The following NXN variants were observed in gnomAD, a reference collection of about 807,000 sequenced individuals.
NXN encodes the protein nucleoredoxin 1.
In NXN, 16 loss-of-function variants were observed where a neutral mutation model predicts 48.6. The observed-to-expected ratio is 0.33, with a 90% CI of 0.22 to 0.50. The LOEUF (loss-of-function observed/expected upper bound fraction) is 0.50, where lower values mean the gene tolerates loss of function less well. Among genes scored for constraint, NXN ranks in the 20% least tolerant of loss-of-function variants. NXN has a pLI of 0.98. For synonymous variants in NXN, 281 were observed against 269.6 expected (o/e 1.04, Z -0.41); for missense variants, 492 against 605.5 (o/e 0.81, Z 1.97).
intron 1 of NXN, among the ~76,000 whole-genome samples, chr17:895,656 CAAA>C (rs71145789): frequency 2.1e-5 from 3 of 144,320 alleles, no homozygotes; most frequent in African/African-American, 7.7e-5. Context: ...ACTTAAAATA[CAAA>C]AAAAAAAAAT....
intron 5 of NXN, among the ~76,000 whole-genome samples, chr17:811,969 C>A (rs538902171): frequency 7.0e-6 from 1 of 142,822 alleles, no homozygotes; most frequent in African/African-American, 2.7e-5. Context: ...GCTCTGTCGC[C>A]CAGGCTGGAG....
At chr17:813,052 T>C (rs1018087082) in intron 5 of NXN, among the ~76,000 whole-genome samples, 4 of 152,220 alleles carry the variant, frequency 2.6e-5, no homozygotes, top group East Asian at 1.9e-4. Context: ...AGCGTGTGTG[T>C]GCGTGTGTTC....
chr17:854,062 T>TC (rs960168462), intron 1 of NXN, among the ~76,000 whole-genome samples: 4 of 151,894 alleles, frequency 2.6e-5, no homozygotes, highest in South Asian at 2.1e-4. Context: ...ATCATGTGTG[T>TC]CCCCCCACTG....
At chr17:833,264 G>A (rs1271614710) in intron 1 of NXN, among the ~76,000 whole-genome samples, 2 of 152,126 alleles carry the variant, frequency 1.3e-5, no homozygotes, top group African/African-American at 4.8e-5. Flanking sequence ...TCATTAGGGA[G>A]CTGCATCTGT....
At chr17:931,108 C>A (rs73277453) in intron 1 of NXN, among the ~76,000 whole-genome samples, 8 of 151,860 alleles carry the variant, frequency 5.3e-5, no homozygotes, top group Non-Finnish European at 7.4e-5. Context: ...GATCTCTAGC[C>A]TAGCAGAAAA....
intron 1 of NXN, among the ~76,000 whole-genome samples, chr17:969,384 G>A (rs539647593): frequency 6.6e-6 from 1 of 152,240 alleles, no homozygotes; most frequent in South Asian, 2.1e-4. Context: ...TATATTCTTC[G>A]TCTACTATGG....
At chr17:884,856 G>A (rs1567848126) in intron 1 of NXN, among the ~76,000 whole-genome samples, 2 of 152,216 alleles carry the variant, frequency 1.3e-5, no homozygotes. Context: ...GAACAGTTTT[G>A]AAACATCTGT....
chr17:966,525 T>G (rs1391979387), intron 1 of NXN, among the ~76,000 whole-genome samples: 4 of 152,166 alleles, frequency 2.6e-5, no homozygotes, highest in Admixed American at 6.5e-5. Context: ...TTTTGTATTT[T>G]TAGTAGAGAC....
At position 956,028 on chromosome 17, in the gene NXN, G is replaced by A. The variant is rs2069165651; in HGVS notation, c.360+23291C>T. Among the ~76,000 whole-genome samples, 1 of 151,540 alleles carries A rather than the reference G, an allele frequency of 6.6e-6. No individual in the cohort carries two copies. The highest frequency in any genetic ancestry group is 2.4e-5 in the African/African-American group (1 of 40,946). On this transcript the variant is annotated intron_variant, in intron 1 of 7. Coordinates refer to ENST00000336868, the MANE Select transcript of NXN (RefSeq NM_022463.5). This position sits in a 1 kb window ranked among gnomAD's most constrained non-coding sequence, Gnocchi z 4.1. ...CTCAGTTTCCCTGCCTGTCAAAGAA[G>A]ACTGTGGCCACATAATCCCCCTGTC...
chr17:931,493 A>C (rs1370707110), intron 1 of NXN, among the ~76,000 whole-genome samples: 1 of 151,574 alleles, frequency 6.6e-6, no homozygotes, highest in African/African-American at 2.4e-5. Flanking sequence ...TAATAAGCCT[A>C]TGTATACTAC....
At position 978,880 on chromosome 17, in the gene NXN, C is replaced by G. The variant is rs2069495335; in HGVS notation, c.360+439G>C. ...CCCCACTGTGGGAATCCGCGGGGGT[C>G]GGCGGCGGAGGCAGGAAGGGCCTGG... On this transcript the variant is annotated intron_variant, in intron 1 of 7. Transcript: ENST00000336868. This position sits in a 1 kb window ranked among gnomAD's most constrained non-coding sequence, Gnocchi z 4.1. Among the ~76,000 whole-genome samples, 1 of 151,052 alleles carries G rather than the reference C, an allele frequency of 6.6e-6. No individual in the cohort carries two copies. Among genetic ancestry groups the G allele is most frequent in the Non-Finnish European group, 1.5e-5 (1 of 67,644 alleles).
intron 1 of NXN, among the ~76,000 whole-genome samples, chr17:906,119 C>G (rs1437501379): frequency 6.6e-6 from 1 of 152,102 alleles, no homozygotes; most frequent in African/African-American, 2.4e-5. Flanking sequence ...TTCCTTTCAT[C>G]GTATCTGGGT....
At chr17:950,309 G>A (rs2150616510) in intron 1 of NXN, among the ~76,000 whole-genome samples, 1 of 152,294 alleles carries the variant, frequency 6.6e-6, no homozygotes, top group Non-Finnish European at 1.5e-5. Flanking sequence ...ATTCGGTGGG[G>A]GAAGGGAGTG....
intron 1 of NXN, among the ~76,000 whole-genome samples, chr17:840,582 G>A (rs1038500156): frequency 6.6e-6 from 1 of 152,094 alleles, no homozygotes; most frequent in Non-Finnish European, 1.5e-5. Context: ...CTCGTGATCC[G>A]CCCGCCTGGG....
chr17:942,872 T>C (rs12942108), intron 1 of NXN, among the ~76,000 whole-genome samples: 4 of 30,676 alleles, frequency 1.3e-4, no homozygotes, highest in Admixed American at 6.7e-4. Flanking sequence ...CAGCCATGAA[T>C]TCACCAAACA....
At chr17:855,396 A>G (rs897505003) in intron 1 of NXN, among the ~76,000 whole-genome samples, 1 of 152,182 alleles carries the variant, frequency 6.6e-6, no homozygotes, top group African/African-American at 2.4e-5. Context: ...CAGGGTTACA[A>G]GCAGAGGGAA....
At chr17:835,274 C>T (rs1464339144) in intron 1 of NXN, among the ~76,000 whole-genome samples, 1 of 149,646 alleles carries the variant, frequency 6.7e-6, no homozygotes, top group East Asian at 2.0e-4. Context: ...TGCCACTGCA[C>T]TCCAGCCTGG....
chr17:801,156 A>G, intron 7 of NXN, 25 bp from the exon 8 acceptor site: 1 of 1,490,912 alleles, frequency 6.7e-7, no homozygotes, highest in Non-Finnish European at 9.0e-7. Flanking sequence ...AGGGAGAGAA[A>G]ACCAAGAAGT....
At chr17:831,774 A>C (rs1404859211) in intron 1 of NXN, among the ~76,000 whole-genome samples, 1 of 151,798 alleles carries the variant, frequency 6.6e-6, no homozygotes, top group African/African-American at 2.4e-5. Context: ...TGCTGGGATT[A>C]TAGGCATGAC....
Sources: allele counts gnomAD v4.1 joint callset (sites outside exome capture counted in the v4.1 genomes callset), GRCh38; gene constraint gnomAD v4.1.1; non-coding constraint Gnocchi (gnomAD v3.1); transcripts MANE v1.5; gene names NCBI Gene and HGNC (gene_info 2026-07-23, HGNC 2026-07-21).